The following CYYR1 variants were observed in gnomAD, a reference collection of about 807,000 sequenced individuals.
The protein encoded by CYYR1 is cysteine and tyrosine rich 1.
CYYR1 carries 14 observed loss-of-function variants against 15.2 expected under a neutral mutation model. That is an observed-to-expected ratio of 0.92 (90% CI 0.61 to 1.44). The LOEUF (loss-of-function observed/expected upper bound fraction) is 1.44. Ranked by LOEUF, CYYR1 falls within the 40% of genes most tolerant of loss-of-function variation. The probability of loss-of-function intolerance (pLI) is 0.00; values close to 1 mark genes in which losing one functional copy is unlikely to be tolerated. For synonymous variants in CYYR1, 80 were observed against 77.4 expected (o/e 1.03, Z -0.18); for missense variants, 228 against 209.5 (o/e 1.09, Z -0.54).
intron 2 of CYYR1, among the ~76,000 whole-genome samples, chr21:26,554,473 T>G (rs1021706346): frequency 6.6e-6 from 1 of 152,290 alleles, no homozygotes; most frequent in South Asian, 2.1e-4. Flanking sequence ...TACATGACTT[T>G]TCAGGCAGTA....
At chr21:26,504,696 A>G (rs1421516740) in intron 2 of CYYR1, among the ~76,000 whole-genome samples, 2 of 152,160 alleles carry the variant, frequency 1.3e-5, no homozygotes, top group Admixed American at 1.3e-4. Context: ...AAAATGTACA[A>G]TTAAGTTATT....
chr21:26,495,159 C>A (rs141424865), intron 2 of CYYR1, among the ~76,000 whole-genome samples: 18 of 152,066 alleles, frequency 1.2e-4, no homozygotes, highest in African/African-American at 4.3e-4. Flanking sequence ...TGTGGACAGG[C>A]GGAATAAGGA....
At chr21:26,561,122 T>C (rs557644430) in intron 2 of CYYR1, among the ~76,000 whole-genome samples, 1 of 152,302 alleles carries the variant, frequency 6.6e-6, no homozygotes, top group East Asian at 1.9e-4. Context: ...TTCCTTCTTA[T>C]AGCAAACATA....
At position 26,480,325 on chromosome 21, in the gene CYYR1, G is replaced by T. The variant is rs1223478297; in HGVS notation, c.281C>A (p.Thr94Asn). ...AGTCGTCCTGAGGATGCCCACGCGG[G>T]TCGCCCTGTGGTTCTTCATGCACAT... ...ICMCMKNHRA[T>N]RVGILRTTHI... Residue 94 changes from threonine to asparagine, a missense_variant, in exon 3 of 4, where the codon ACC (threonine) becomes AAC (asparagine). By Grantham distance (65) the Thr-to-Asn change is moderately conservative. Coordinates refer to ENST00000652641, the MANE Select transcript of CYYR1 (RefSeq NM_001320768.2). 1.9e-6 allele frequency: 3 copies of T among 1,613,522 alleles called. No homozygotes were observed. The South Asian group carries it at 3.3e-5, about 18-fold the overall frequency.
intron 2 of CYYR1, among the ~76,000 whole-genome samples, chr21:26,546,203 T>C (rs1437801508): frequency 6.6e-6 from 1 of 152,218 alleles, no homozygotes; most frequent in African/African-American, 2.4e-5. Context: ...TGGTAATGTG[T>C]AAATATTTAG....
At chr21:26,474,407 C>T (rs2065075340) in intron 3 of CYYR1, among the ~76,000 whole-genome samples, 1 of 125,154 alleles carries the variant, frequency 8.0e-6, no homozygotes, top group African/African-American at 3.5e-5. Flanking sequence ...ATACACCGTG[C>T]CTTTTTTTTT....
chr21:26,472,109 T>G (rs1439812804), intron 3 of CYYR1, among the ~76,000 whole-genome samples: 1 of 152,182 alleles, frequency 6.6e-6, no homozygotes, highest in Non-Finnish European at 1.5e-5. Context: ...TTAAATACTG[T>G]CTCTTAGTCA....
chr21:26,496,071 C>G (rs1266184865), intron 2 of CYYR1, among the ~76,000 whole-genome samples: 1 of 152,190 alleles, frequency 6.6e-6, no homozygotes, highest in Non-Finnish European at 1.5e-5. Flanking sequence ...AGTTAGGTTT[C>G]AATTAAATCA....
chr21:26,477,992 A>G (rs1346046061), intron 3 of CYYR1: 1 of 1,523,140 alleles, frequency 6.6e-7, no homozygotes, highest in Non-Finnish European at 8.8e-7. Context: ...GGGTATTGAT[A>G]TATGATTAAT....
At chr21:26,554,391 G>C (rs1979617219) in intron 2 of CYYR1, among the ~76,000 whole-genome samples, 1 of 151,998 alleles carries the variant, frequency 6.6e-6, no homozygotes, top group Non-Finnish European at 1.5e-5. Flanking sequence ...TGATTTCCTA[G>C]TTTCTGAGTG....
At chr21:26,479,431 G>A (rs1177522102) in intron 3 of CYYR1, among the ~76,000 whole-genome samples, 1 of 152,114 alleles carries the variant, frequency 6.6e-6, no homozygotes, top group Non-Finnish European at 1.5e-5. Context: ...CATGAGTATG[G>A]ATGGGAAATT....
chr21:26,482,619 A>G (rs2065197768), intron 2 of CYYR1: 1 of 522,332 alleles, frequency 1.9e-6, no homozygotes, highest in African/African-American at 2.1e-5. Context: ...TAGATTTTTC[A>G]AGTCTTTGAA....
At chr21:26,536,092 C>A (rs1355870128) in intron 2 of CYYR1, among the ~76,000 whole-genome samples, 1 of 152,076 alleles carries the variant, frequency 6.6e-6, no homozygotes, top group Non-Finnish European at 1.5e-5. Flanking sequence ...CTTCACATGG[C>A]GGCAGGAGAG....
chr21:26,558,928 A>T (rs1013290508), intron 2 of CYYR1, among the ~76,000 whole-genome samples: 18 of 152,154 alleles, frequency 1.2e-4, no homozygotes, highest in Non-Finnish European at 2.2e-4. Context: ...TAATACGTCA[A>T]TCAACAGTAT....
chr21:26,553,533 A>C (rs1049035875), intron 2 of CYYR1, among the ~76,000 whole-genome samples: 1 of 152,118 alleles, frequency 6.6e-6, no homozygotes, highest in African/African-American at 2.4e-5. Flanking sequence ...CCTGAAGCCT[A>C]TTTCTATGTT....
At chr21:26,503,904 ATTAT>A (rs1220133672) in intron 2 of CYYR1, among the ~76,000 whole-genome samples, 1 of 152,160 alleles carries the variant, frequency 6.6e-6, no homozygotes, top group Non-Finnish European at 1.5e-5. Context: ...CCTCCTATTA[ATTAT>A]TTATTCAGAT....
intron 2 of CYYR1, among the ~76,000 whole-genome samples, chr21:26,529,618 G>A (rs1335316342): frequency 6.6e-6 from 1 of 152,240 alleles, no homozygotes; most frequent in African/African-American, 2.4e-5. Context: ...AGCTGAACCA[G>A]TAGCATAGTG....
At chr21:26,477,936 T>G (rs1429489025) in intron 3 of CYYR1, 11 of 1,351,064 alleles carry the variant, frequency 8.1e-6, no homozygotes, top group Non-Finnish European at 9.6e-6. Flanking sequence ...GCATGTTACT[T>G]TTGTAGTGAG....
chr21:26,541,150 C>A (rs1253471589), intron 2 of CYYR1, among the ~76,000 whole-genome samples: 2 of 152,068 alleles, frequency 1.3e-5, no homozygotes, highest in Non-Finnish European at 2.9e-5. Flanking sequence ...GGGACTATAT[C>A]AAAATCTAAT....
Sources: gnomAD v4.1 joint callset for allele counts (sites outside exome capture counted in the v4.1 genomes callset) on GRCh38, gnomAD v4.1.1 for gene constraint, MANE v1.5 for transcripts, NCBI Gene and HGNC (gene_info 2026-07-23, HGNC 2026-07-21) for gene names.